Variants in ST8SIA2 observed in about 807,000 individuals in gnomAD.
ST8SIA2 encodes the protein ST8 alpha-N-acetyl-neuraminide alpha-2,8-sialyltransferase 2.
ST8SIA2 carries 22 observed loss-of-function variants against 37.6 expected under a neutral mutation model. The observed-to-expected ratio is 0.58, with a 90% CI of 0.42 to 0.83. The LOEUF (loss-of-function observed/expected upper bound fraction) is 0.83, where lower values mean the gene tolerates loss of function less well. Ranked by LOEUF, ST8SIA2 falls within the 40% of genes least tolerant of loss-of-function variation. The pLI, the probability that ST8SIA2 is intolerant of heterozygous loss-of-function variation, is 0.00. For synonymous variants in ST8SIA2, 205 were observed against 201.2 expected, an observed-to-expected ratio of 1.02 and a Z score of -0.16; for missense variants, 382 against 484.7, an observed-to-expected ratio of 0.79 and a Z score of 1.99.
chr15:92,395,233 C>T (rs1472129900), intron 1 of ST8SIA2, among the ~76,000 whole-genome samples: 1 of 152,230 alleles, frequency 6.6e-6, no homozygotes, highest in East Asian at 1.9e-4. Flanking sequence ...CAGAAGGTCT[C>T]TTCTTCTGTG....
intron 1 of ST8SIA2, among the ~76,000 whole-genome samples, chr15:92,410,990 A>C (rs995300828): frequency 1.3e-5 from 2 of 152,206 alleles, no homozygotes; most frequent in South Asian, 2.1e-4. Flanking sequence ...CGGCTGCCAC[A>C]GACTCTGGCA....
At chr15:92,407,951 A>G (rs1477183608) in intron 1 of ST8SIA2, among the ~76,000 whole-genome samples, 1 of 152,144 alleles carries the variant, frequency 6.6e-6, no homozygotes, top group East Asian at 1.9e-4. Context: ...GTAGACCCGG[A>G]AAATGTTTGA....
intron 1 of ST8SIA2, among the ~76,000 whole-genome samples, chr15:92,402,662 T>C (rs1328421448): frequency 1.3e-5 from 2 of 152,158 alleles, no homozygotes; most frequent in East Asian, 1.9e-4. Flanking sequence ...TAATGGGACA[T>C]GGCAGCCAAA....
chr15:92,397,139 TAGAA>T (rs1429667068), intron 1 of ST8SIA2, among the ~76,000 whole-genome samples: 1 of 152,204 alleles, frequency 6.6e-6, no homozygotes, highest in African/African-American at 2.4e-5. Context: ...GAAGGAAAGA[TAGAA>T]GGAACCTCTT....
intron 1 of ST8SIA2, among the ~76,000 whole-genome samples, chr15:92,395,627 A>G (rs2049425365): frequency 6.6e-6 from 1 of 152,216 alleles, no homozygotes; most frequent in African/African-American, 2.4e-5. Context: ...CCACGCAGAG[A>G]TAAACATGCT....
At chr15:92,452,269 G>GA (rs781492191) in intron 5 of ST8SIA2, among the ~76,000 whole-genome samples, 51 of 152,150 alleles carry the variant, frequency 3.4e-4, no homozygotes, top group Admixed American at 1.6e-3. Context: ...CCCCAGACCT[G>GA]GTGAATCAGA....
At chr15:92,436,214 T>G (rs79379802) in intron 3 of ST8SIA2, among the ~76,000 whole-genome samples, 3,874 of 152,124 alleles carry the variant, frequency 0.025, 125 homozygotes, top group African/African-American at 0.069. Flanking sequence ...GGTTAGGAGG[T>G]GGGCATATAT....
At chr15:92,446,903 T>C (rs1015956509) in intron 5 of ST8SIA2, among the ~76,000 whole-genome samples, 5 of 152,030 alleles carry the variant, frequency 3.3e-5, no homozygotes, top group African/African-American at 1.2e-4. Flanking sequence ...GGAGATGATG[T>C]TGGTGAGAGA....
At chr15:92,460,944 T>C (rs1596251906) in intron 5 of ST8SIA2, among the ~76,000 whole-genome samples, 1 of 151,416 alleles carries the variant, frequency 6.6e-6, no homozygotes, top group African/African-American at 2.4e-5. Context: ...AAGTGGTAGG[T>C]GAGGGTAAGA....
intron 1 of ST8SIA2, among the ~76,000 whole-genome samples, chr15:92,394,491 G>A (rs2049414817): frequency 6.6e-6 from 1 of 152,316 alleles, no homozygotes; most frequent in African/African-American, 2.4e-5. Context: ...GAGGGCGCCG[G>A]GGAGTGTCTC....
intron 2 of ST8SIA2, among the ~76,000 whole-genome samples, chr15:92,432,461 C>G (rs1596240287): frequency 2.6e-5 from 4 of 152,342 alleles, no homozygotes; most frequent in Admixed American, 2.6e-4. Context: ...AGATGGATAT[C>G]TGTCTCTTCT....
chr15:92,446,400 T>G (rs2049843191), intron 5 of ST8SIA2, among the ~76,000 whole-genome samples: 1 of 152,202 alleles, frequency 6.6e-6, no homozygotes, highest in Non-Finnish European at 1.5e-5. Flanking sequence ...GTCACTTCTA[T>G]TATCATCTAC....
chr15:92,402,987 CAAGG>C (rs1567209874), intron 1 of ST8SIA2, among the ~76,000 whole-genome samples: 2 of 152,034 alleles, frequency 1.3e-5, no homozygotes, highest in Non-Finnish European at 2.9e-5. Context: ...TGGAGCCTGA[CAAGG>C]AAGGGAAGGA....
chr15:92,455,077 T>C (rs1485804862), intron 5 of ST8SIA2, among the ~76,000 whole-genome samples: 4 of 151,994 alleles, frequency 2.6e-5, no homozygotes. Flanking sequence ...CTGCAGAGAC[T>C]TGAGGGCCCA....
rs141937648 is a variant in ST8SIA2 at position 92,438,500 on chromosome 15, T to C, written c.438T>C (p.Thr146=). The C allele has an allele frequency of 7.4e-5, 120 of 1,614,094 alleles. No individual in the cohort carries two copies. In the African/African-American group the frequency reaches 1.5e-3, roughly 20 times the overall value. Residue 146 remains threonine, a synonymous_variant, in exon 4 of 6, where the codon ACT becomes ACC. Transcript: ENST00000268164. ...SQNLYELLPR[T]SPLKNKHFGT... is the part of the protein sequence containing the mutation. ...ACCTCTACGAGCTCCTCCCCAGGAC[T>C]TCGCCACTGAAGAATAAGCACTTTG...
intron 1 of ST8SIA2, among the ~76,000 whole-genome samples, chr15:92,401,860 A>C (rs2049474152): frequency 6.6e-6 from 1 of 151,772 alleles, no homozygotes; most frequent in African/African-American, 2.4e-5. Flanking sequence ...CCCCTAGGTC[A>C]GTGGTTCCCA....
At position 92,464,790 on chromosome 15, in the gene ST8SIA2, C is replaced by T. The variant is rs1182733543; in HGVS notation, c.*405C>T. ...GCCACCTGTTGTCAGCTGCCCCAAG[C>T]CTCTGGGATATGTGGATTCGGAGAA... On this transcript the variant is annotated 3_prime_UTR_variant, in exon 6 of 6. Transcript: ENST00000268164. 4.4e-6 allele frequency: 1 copy of T among 226,634 alleles called. No homozygotes were observed. Among genetic ancestry groups the T allele is most frequent in the Non-Finnish European group, 8.8e-6 (1 of 113,608 alleles). 14.0% of individuals were successfully genotyped at this position (226,634 alleles called of 1,614,324 possible).
Position 92,464,342 on chromosome 15 carries a change from G to C in ST8SIA2, c.1085G>C (p.Gly362Ala). Residue 362 changes from glycine (G) to alanine (A), a missense_variant, in exon 6 of 6, where the codon GGG becomes GCG. Gly to Ala is a moderately conservative substitution (Grantham distance 60). Coordinates refer to ENST00000268164, the MANE Select transcript of ST8SIA2 (RefSeq NM_006011.4). ...FKALKSLHEQ[G>A]ALKLTVGQCD... ...GCCCTCAAGAGCCTACATGAGCAGG[G>C]GGCTTTGAAACTGACTGTCGGCCAG... The C allele has an allele frequency of 6.2e-7, 1 of 1,614,034 alleles. No homozygotes were observed. Among genetic ancestry groups the C allele is most frequent in the African/African-American group, 1.3e-5 (1 of 74,998 alleles).
At chr15:92,399,904 T>C (rs1166980694) in intron 1 of ST8SIA2, among the ~76,000 whole-genome samples, 1 of 152,242 alleles carries the variant, frequency 6.6e-6, no homozygotes, top group African/African-American at 2.4e-5. Context: ...GAGGGGATTC[T>C]AGAAAGGCTC....
Sources: allele counts gnomAD v4.1 joint callset (sites outside exome capture counted in the v4.1 genomes callset), GRCh38; gene constraint gnomAD v4.1.1; transcripts MANE v1.5; gene names NCBI Gene and HGNC (gene_info 2026-07-23, HGNC 2026-07-21).